The following ATXN7L1 variants were observed in gnomAD, a reference collection of about 807,000 sequenced individuals.
The protein encoded by ATXN7L1 is ataxin 7 like 1, also known as ataxin-7-like protein 1.
In ATXN7L1, 15 loss-of-function variants were observed where a neutral mutation model predicts 70.8. The ratio of observed to expected loss-of-function variants is 0.21; its 90% CI spans 0.14 to 0.33. The LOEUF is 0.33. Among genes scored for constraint, ATXN7L1 ranks in the 10% least tolerant of loss-of-function variants. The pLI, the probability that ATXN7L1 is intolerant of heterozygous loss-of-function variation, is 1.00. For synonymous variants in ATXN7L1, 440 were observed against 445.1 expected, an observed-to-expected ratio of 0.99 and a Z score of 0.14; for missense variants, 975 against 1,097.1, an observed-to-expected ratio of 0.89 and a Z score of 1.57.
At chr7:105,810,410 T>G (rs1403179519) in intron 2 of ATXN7L1, among the ~76,000 whole-genome samples, 1 of 151,964 alleles carries the variant, frequency 6.6e-6, no homozygotes. Context: ...CAACAAACAA[T>G]AAGTATTCCC....
chr7:105,773,771 CT>C (rs1367637572), intron 3 of ATXN7L1, among the ~76,000 whole-genome samples: 1 of 152,158 alleles, frequency 6.6e-6, no homozygotes, highest in Non-Finnish European at 1.5e-5. Context: ...AAGAAACCCC[CT>C]AACAACTTAA....
chr7:105,784,256 G>C (rs928896957), intron 3 of ATXN7L1, among the ~76,000 whole-genome samples: 1 of 152,126 alleles, frequency 6.6e-6, no homozygotes, highest in African/African-American at 2.4e-5. Context: ...AAGCCACTGC[G>C]CCCGGCCCCA....
At chr7:105,738,578 T>G (rs1175323945) in intron 3 of ATXN7L1, among the ~76,000 whole-genome samples, 3 of 152,268 alleles carry the variant, frequency 2.0e-5, no homozygotes, top group African/African-American at 7.2e-5. Flanking sequence ...TTATGTACTA[T>G]TCTTATCCCT....
intron 2 of ATXN7L1, among the ~76,000 whole-genome samples, chr7:105,874,644 C>T (rs212426): frequency 0.38 from 58,246 of 152,080 alleles, 11,863 homozygotes; most frequent in Non-Finnish European, 0.45. Context: ...TGAATATGTA[C>T]GCATTTTAAC....
chr7:105,813,902 C>T (rs1808811251), intron 2 of ATXN7L1, among the ~76,000 whole-genome samples: 1 of 152,116 alleles, frequency 6.6e-6, no homozygotes, highest in Non-Finnish European at 1.5e-5. Context: ...GATAATTTCT[C>T]CATGTATCCT....
At chr7:105,845,885 C>T (rs879541871) in intron 2 of ATXN7L1, among the ~76,000 whole-genome samples, 1 of 152,206 alleles carries the variant, frequency 6.6e-6, no homozygotes, top group South Asian at 2.1e-4. Context: ...ACACCATGTA[C>T]AAAAACATAC....
At chr7:105,861,443 T>G (rs1585176925) in intron 2 of ATXN7L1, among the ~76,000 whole-genome samples, 1 of 136,302 alleles carries the variant, frequency 7.3e-6, no homozygotes, top group African/African-American at 2.8e-5. Flanking sequence ...GATGGAGAGG[T>G]GCAGGGAATT....
At chr7:105,756,192 T>C (rs1799781238) in intron 3 of ATXN7L1, among the ~76,000 whole-genome samples, 1 of 152,198 alleles carries the variant, frequency 6.6e-6, no homozygotes, top group South Asian at 2.1e-4. Context: ...GTCTGGATTT[T>C]GCCCTTGATG....
intron 3 of ATXN7L1, among the ~76,000 whole-genome samples, chr7:105,758,648 G>T (rs141328948): frequency 6.6e-6 from 1 of 152,324 alleles, no homozygotes; most frequent in East Asian, 1.9e-4. Flanking sequence ...GGCCTCCCTG[G>T]CCACCACCCA....
chr7:105,806,552 G>A (rs567763041), intron 2 of ATXN7L1, among the ~76,000 whole-genome samples: 1 of 152,274 alleles, frequency 6.6e-6, no homozygotes, highest in South Asian at 2.1e-4. Context: ...GCAAGCTGGG[G>A]CCAGAGAGAC....
intron 7 of ATXN7L1, among the ~76,000 whole-genome samples, chr7:105,631,503 G>A (rs1349066908): frequency 3.3e-5 from 5 of 152,346 alleles, no homozygotes; most frequent in African/African-American, 7.2e-5. Flanking sequence ...GTCTCGCTTT[G>A]TTGCCCAGGC....
chr7:105,667,600 G>A (rs1180478422), intron 3 of ATXN7L1, among the ~76,000 whole-genome samples: 2 of 130,648 alleles, frequency 1.5e-5, no homozygotes, highest in Non-Finnish European at 3.3e-5. Context: ...TTGGGAGGCT[G>A]AGGCGGGAGA....
intron 7 of ATXN7L1, 121 bp downstream of exon 7, chr7:105,638,232 C>A (rs1797668733): frequency 7.6e-7 from 1 of 1,315,420 alleles, no homozygotes; most frequent in African/African-American, 1.5e-5. Flanking sequence ...TTACTACTTG[C>A]CTTAGGAAGT....
intron 9 of ATXN7L1, among the ~76,000 whole-genome samples, chr7:105,618,915 G>GT (rs1159006967): frequency 1.3e-5 from 2 of 152,136 alleles, no homozygotes; most frequent in Non-Finnish European, 2.9e-5. Flanking sequence ...GAAGTGGATA[G>GT]TAAAGGAACT....
At chr7:105,771,865 CA>C (rs1017078345) in intron 3 of ATXN7L1, among the ~76,000 whole-genome samples, 4 of 151,710 alleles carry the variant, frequency 2.6e-5, no homozygotes, top group African/African-American at 9.7e-5. Flanking sequence ...ACCAAGATAC[CA>C]GGGGGAAAAA....
chr7:105,689,779 G>A (rs1790512056), intron 3 of ATXN7L1, among the ~76,000 whole-genome samples: 2 of 152,170 alleles, frequency 1.3e-5, no homozygotes, highest in African/African-American at 2.4e-5. Context: ...ATGAGGAGGC[G>A]AAGGTCCGAT....
At chr7:105,676,741 G>A (rs868749132) in intron 3 of ATXN7L1, among the ~76,000 whole-genome samples, 6 of 152,106 alleles carry the variant, frequency 3.9e-5, no homozygotes, top group East Asian at 1.9e-4. Flanking sequence ...TCGGGAGGCC[G>A]AGGCAGGAGA....
chr7:105,634,566 G>C (rs1040682019), intron 7 of ATXN7L1, among the ~76,000 whole-genome samples: 2 of 152,022 alleles, frequency 1.3e-5, no homozygotes, highest in Non-Finnish European at 2.9e-5. Context: ...ATGTTGCCAA[G>C]GCTGCTGTTG....
In ATXN7L1 at chr7:105,667,437, C is replaced by T. The variant is rs530848032; in HGVS notation, c.356-2149G>A. Among the ~76,000 whole-genome samples, 33 of 98,214 alleles carry T rather than the reference C, an allele frequency of 3.4e-4. 7 individuals carry two copies. In the South Asian group the frequency reaches 7.5e-3, roughly 22 times the overall value. 64.4% of individuals were successfully genotyped at this position (98,214 alleles called of 152,430 possible). A position where few individuals can be genotyped will look rare whatever the true frequency, so the allele number is the denominator to read the frequency against. On this transcript the variant is annotated intron_variant, in intron 3 of 11. Transcript: ENST00000419735. ...ACTAGTGGCCGGGCGCGGTGGCTCA[C>T]GCCTGTAATCCCAGCACTTTGGGAG...
Sources: allele counts gnomAD v4.1 joint callset (sites outside exome capture counted in the v4.1 genomes callset), GRCh38; gene constraint gnomAD v4.1.1; transcripts MANE v1.5; gene names NCBI Gene and HGNC (gene_info 2026-07-23, HGNC 2026-07-21).